EPS8L1: variants seen among roughly 807,000 people sequenced by gnomAD.
EPS8L1 encodes the protein EPS8 signaling adaptor L1, also known as epidermal growth factor receptor kinase substrate 8-like protein 1.
Under a neutral mutation model 91.7 loss-of-function variants are expected in EPS8L1, and 101 were observed. That is an observed-to-expected ratio of 1.10 (90% CI 0.94 to 1.30). The LOEUF is 1.30. EPS8L1 is among the 50% of genes most tolerant of loss of function. The pLI is 0.00. For synonymous variants in EPS8L1, 506 were observed against 445.3 expected (o/e 1.14, Z -1.72); for missense variants, 1,114 against 1,017.0 (o/e 1.10, Z -1.30).
rs376928185 is a variant in EPS8L1 at position 55,087,761 on chromosome 19, C to G, written c.*147C>G. On this transcript the variant is annotated 3_prime_UTR_variant, in exon 20 of 20. Coordinates refer to ENST00000201647, the MANE Select transcript of EPS8L1 (RefSeq NM_133180.3). ...CCCCCATCCCGGTGGACAGACTTAA[C>G]GATCCTTGCTGCAGTCCCTCCGGAG... The G allele has an allele frequency of 1.2e-6, 1 of 817,840 alleles. No homozygotes were observed. Among genetic ancestry groups the G allele is most frequent in the Non-Finnish European group, 2.0e-6 (1 of 498,982 alleles). The allele number at this position is 817,840 out of a possible 1,614,324, so 50.7% of individuals were successfully genotyped here.
In EPS8L1 at chr19:55,086,711, C is replaced by A. The variant is rs772993070; in HGVS notation, c.1778-3C>A. Reference sequence around the variant, plus strand: ...TCCCTACCTCCCGGTTTCCCGCCTGCAGAGAAATTCTCCCAGATGCTCATC... The same window carrying A: ...TCCCTACCTCCCGGTTTCCCGCCTGAAGAGAAATTCTCCCAGATGCTCATC... On this transcript the variant is annotated splice_region_variant and splice_polypyrimidine_tract_variant and intron_variant, in intron 17 of 19. Transcript: ENST00000201647. 3.1e-6 allele frequency: 5 copies of A among 1,605,210 alleles called. No homozygotes were observed. The highest frequency in any genetic ancestry group is 2.7e-5 in the African/African-American group (2 of 74,726).
intron 4 of EPS8L1, 31 bp downstream of exon 4, chr19:55,079,088 A>G (rs1371663920): frequency 1.2e-6 from 2 of 1,612,382 alleles, no homozygotes; most frequent in African/African-American, 2.7e-5. Flanking sequence ...CCCCCAGGAC[A>G]TCTTCTGGGG....
At chr19:55,085,471 G>A (rs1400844258) in intron 14 of EPS8L1, among the ~76,000 whole-genome samples, 1 of 152,140 alleles carries the variant, frequency 6.6e-6, no homozygotes, top group Non-Finnish European at 1.5e-5. Flanking sequence ...GGCCTAGCTA[G>A]TGTTTTTATT....
intron 3 of EPS8L1, 72 bp downstream of exon 3, chr19:55,078,200 C>T (rs1568774961): frequency 2.8e-6 from 4 of 1,438,194 alleles, no homozygotes; most frequent in Non-Finnish European, 3.8e-6. Context: ...CATCCAGGGT[C>T]TTGGAGGAGG....
chr19:55,081,832 G>C lies in EPS8L1; in HGVS notation c.834G>C (p.Ser278=). 6.2e-7 allele frequency: 1 copy of C among 1,612,640 alleles called. No individual in the cohort carries two copies. The highest frequency in any genetic ancestry group is 8.5e-7 in the Non-Finnish European group (1 of 1,179,184). The change falls in exon 9 of 20, where the codon TCG becomes TCC. Residue 278 remains serine, a synonymous_variant. Transcript: ENST00000201647. This position sits in a 1 kb window ranked among gnomAD's most constrained non-coding sequence, Gnocchi z 4.9. ...GCTTTGTATCGAGGCTGCAGAAGTC[G>C]GCGGAGGCGGCCAGGGTGCTGGAGC... The part of the protein sequence containing the change: ...VESFVSRLQK[S]AEAARVLEHR...
rs2076347397 is a variant in EPS8L1 at position 55,085,913 on chromosome 19, T to C, written c.1458T>C (p.Asn486=). ...SETAGKWVLC[N]YDFQARNSSE... Reference sequence around the variant, plus strand: ...CAGCAGGAAAATGGGTCCTGTGTAATTATGACTTCCAGGCCCGCAACAGCA... The same window carrying C: ...CAGCAGGAAAATGGGTCCTGTGTAACTATGACTTCCAGGCCCGCAACAGCA... Residue 486 remains asparagine (N), a synonymous_variant, in exon 15 of 20, where the codon AAT becomes AAC. Transcript: ENST00000201647. 6.2e-7 allele frequency: 1 copy of C among 1,613,264 alleles called. No individual in the cohort carries two copies. Among genetic ancestry groups the C allele is most frequent in the East Asian group, 2.2e-5 (1 of 44,796 alleles).
chr19:55,078,283 A>G (rs28599590), intron 3 of EPS8L1, among the ~76,000 whole-genome samples, 155 bp downstream of exon 3: 468 of 61,012 alleles, frequency 7.7e-3, no homozygotes, highest in Middle Eastern at 0.02. Context: ...GTCAGAGGGA[A>G]GAGGGGCTGG....
rs761736038 is a variant in EPS8L1, at chr19:55,079,811, T to C, written c.239T>C (p.Val80Ala). The change falls in exon 5 of 20, where the codon GTG becomes GCG. Residue 80 changes from valine (V) to alanine (A), a missense_variant. Transcript: ENST00000201647. ...RVWAQEMLLR[V>A]SPDHVTLLDP... Reference sequence around the variant, plus strand: ...TGGGCACAGGAGATGCTGCTGCGAGTGTCTCCCGACCATGTCACGCTGCTC... The same window carrying C: ...TGGGCACAGGAGATGCTGCTGCGAGCGTCTCCCGACCATGTCACGCTGCTC... The C allele has an allele frequency of 2.2e-5, 36 of 1,613,834 alleles. No individual in the cohort carries two copies. Among genetic ancestry groups the C allele is most frequent in the Non-Finnish European group, 3.1e-5 (36 of 1,179,956 alleles).
Position 55,083,336 on chromosome 19 carries a change from G to A in EPS8L1, c.1215-42G>A. 1 of 1,595,240 alleles carries A rather than the reference G, an allele frequency of 6.3e-7. No individual in the cohort carries two copies. The highest frequency in any genetic ancestry group is 8.6e-7 in the Non-Finnish European group (1 of 1,168,568). ...TAATGCAGGAACGAAGTTGGGGGCT[G>A]TATCAGGATCCCTGAGCTCTTGGCC... On this transcript the variant is annotated intron_variant, in intron 12 of 19. Coordinates refer to ENST00000201647, the MANE Select transcript of EPS8L1 (RefSeq NM_133180.3). The surrounding 1 kb of genome is among the most constrained non-coding windows in gnomAD (Gnocchi z 4.7).
intron 14 of EPS8L1, among the ~76,000 whole-genome samples, chr19:55,085,261 G>C (rs1388413552): frequency 6.6e-6 from 1 of 152,182 alleles, no homozygotes; most frequent in East Asian, 1.9e-4. Context: ...TGCCTGCCAG[G>C]TTCAAGCAAT....
rs1249353461 is a variant in EPS8L1 at position 55,081,740 on chromosome 19, G to A, written c.775-33G>A. The A allele has an allele frequency of 6.3e-7, 1 of 1,577,962 alleles. No individual in the cohort carries two copies. The highest frequency in any genetic ancestry group is 8.6e-7 in the Non-Finnish European group (1 of 1,159,798). ...CGACGGGGATGGTTTTGGAACTCGG[G>A]AGCCCTGAGCGTCCCCCTCCTCTGT... On this transcript the variant is annotated intron_variant, in intron 8 of 19. Transcript: ENST00000201647. This position sits in a 1 kb window ranked among gnomAD's most constrained non-coding sequence, Gnocchi z 4.9.
At chr19:55,080,354 C>A in intron 6 of EPS8L1, 76 bp downstream of exon 6, 1 of 1,545,502 alleles carries the variant, frequency 6.5e-7, no homozygotes, top group African/African-American at 1.4e-5. Flanking sequence ...ATGGGTGGGG[C>A]CTCTAGGTGG....
At position 55,087,534 on chromosome 19, in the gene EPS8L1, G is replaced by T; in HGVS notation, c.2092G>T (p.Glu698Ter). Residue 698 changes from glutamate (E) to a stop codon, truncating the protein, a stop_gained, in exon 20 of 20, where the codon GAG becomes TAG. Transcript: ENST00000201647. LOFTEE classifies it high-confidence loss of function. Reference protein sequence around the residue: ...TVQRSLLEDKEKVSELEAVME... With the variant: ...TVQRSLLEDK ...TTTCCACCCCGCCCTCCAGGACAAA[G>T]AGAAAGTGTCAGAGCTGGAGGCAGT... is the stretch of plus-strand genomic sequence containing the variant. The T allele has an allele frequency of 6.2e-7, 1 of 1,614,194 alleles. No individual in the cohort carries two copies. Among genetic ancestry groups the T allele is most frequent in the Non-Finnish European group, 8.5e-7 (1 of 1,180,032 alleles).
chr19:55,087,561 A>G lies in EPS8L1; in HGVS notation c.2119A>G (p.Met707Val). The G allele has an allele frequency of 1.2e-6, 2 of 1,614,164 alleles. No individual in the cohort carries two copies. The highest frequency in any genetic ancestry group is 2.2e-5 in the East Asian group (1 of 44,872). Reference sequence around the variant, plus strand: ...GAAAGTGTCAGAGCTGGAGGCAGTGATGGAGAAGCAAAAGAAGAAGGTGGA... The same window carrying G: ...GAAAGTGTCAGAGCTGGAGGCAGTGGTGGAGAAGCAAAAGAAGAAGGTGGA... ...KEKVSELEAVMEKQKKKVEGE... is the reference protein window; with the variant it reads ...KEKVSELEAVVEKQKKKVEGE... The change falls in exon 20 of 20, where the codon ATG becomes GTG. Residue 707 changes from methionine (M) to valine (V), a missense_variant. Transcript: ENST00000201647.
At position 55,079,683 on chromosome 19, in the gene EPS8L1, G is replaced by A. The variant is rs200296422; in HGVS notation, c.118-7G>A. 14 of 1,612,776 alleles carry A rather than the reference G, an allele frequency of 8.7e-6. No homozygotes were observed. Among genetic ancestry groups the A allele is most frequent in the African/African-American group, 2.7e-5 (2 of 74,908 alleles). On this transcript the variant is annotated splice_polypyrimidine_tract_variant and splice_region_variant and intron_variant, in intron 4 of 19. Coordinates refer to ENST00000201647, the MANE Select transcript of EPS8L1 (RefSeq NM_133180.3). ...GGCCTCACTGCTTTCTCCATGGTCC[G>A]TACCAGCACCTGGTGACGTTCTGCC...
Position 55,081,924 on chromosome 19 carries a change from C to G in EPS8L1, c.901+25C>G. ...GGTAAGGGGCACCCTGGCGTGGGAT[C>G]TGAACCCCCTCCCGATCTCTTCCAA... On this transcript the variant is annotated intron_variant, in intron 9 of 19. Transcript: ENST00000201647. The surrounding 1 kb of genome is among the most constrained non-coding windows in gnomAD (Gnocchi z 4.9). The G allele has an allele frequency of 1.2e-6, 2 of 1,600,200 alleles. No homozygotes were observed. The highest frequency in any genetic ancestry group is 1.7e-6 in the Non-Finnish European group (2 of 1,172,532).
rs911569627 is a variant in EPS8L1 at position 55,080,613 on chromosome 19, G to A, written c.430-159G>A. 8 of 1,577,048 alleles carry A rather than the reference G, an allele frequency of 5.1e-6. No homozygotes were observed. In the African/African-American group the frequency reaches 8.2e-5, roughly 16 times the overall value. On this transcript the variant is annotated intron_variant, in intron 6 of 19. Transcript: ENST00000201647. Reference sequence around the variant, plus strand: ...TGGCTTAGGGCAGGGACAGGTGTAGGGCGAGGGGTGAGTTCGGGGCGTGGA... The same window carrying A: ...TGGCTTAGGGCAGGGACAGGTGTAGAGCGAGGGGTGAGTTCGGGGCGTGGA...
intron 5 of EPS8L1, 48 bp downstream of exon 5, chr19:55,079,899 AG>A: frequency 2.6e-6 from 4 of 1,554,488 alleles, no homozygotes; most frequent in Non-Finnish European, 3.5e-6. Context: ...CAGGGACTTC[AG>A]GGGGTCTGGG....
intron 4 of EPS8L1, 62 bp from the exon 5 acceptor site, chr19:55,079,628 G>A: frequency 6.4e-7 from 1 of 1,562,666 alleles, no homozygotes; most frequent in African/African-American, 1.4e-5. Context: ...ATTATTCTGG[G>A]GGATTCTGAG....
Sources: gnomAD v4.1 joint callset for allele counts (sites outside exome capture counted in the v4.1 genomes callset) on GRCh38, gnomAD v4.1.1 for gene constraint, Gnocchi (gnomAD v3.1) non-coding constraint, MANE v1.5 for transcripts, NCBI Gene and HGNC (gene_info 2026-07-23, HGNC 2026-07-21) for gene names.